The following SAMSN1 variants were observed in gnomAD, a reference collection of about 807,000 sequenced individuals.
SAMSN1 encodes SAM domain-containing protein SAMSN-1.
A neutral mutation model predicts 42.0 loss-of-function variants in SAMSN1; 31 were observed. The ratio of observed to expected loss-of-function variants is 0.74; its 90% confidence interval spans 0.55 to 1.00. The LOEUF (loss-of-function observed/expected upper bound fraction) is 1.00. SAMSN1 is among the 50% of genes least tolerant of loss of function. The pLI is 0.00. For synonymous variants in SAMSN1, 178 were observed against 151.9 expected (o/e 1.17, Z -1.26); for missense variants, 464 against 439.4 (o/e 1.06, Z -0.50).
intron 7 of SAMSN1, among the ~76,000 whole-genome samples, chr21:14,496,851 G>T (rs142769889): frequency 7.2e-5 from 11 of 152,214 alleles, no homozygotes; most frequent in African/African-American, 2.4e-4. Context: ...TCTTGGAAAA[G>T]GATGATAAGA....
intron 2 of SAMSN1, among the ~76,000 whole-genome samples, chr21:14,616,763 T>C (rs572435959): frequency 6.6e-6 from 1 of 152,210 alleles, no homozygotes; most frequent in South Asian, 2.1e-4. Flanking sequence ...ATGGTAGGAA[T>C]TTACATACTA....
At chr21:14,570,175 A>G (rs896987282) in intron 2 of SAMSN1, among the ~76,000 whole-genome samples, 1 of 152,146 alleles carries the variant, frequency 6.6e-6, no homozygotes, top group Admixed American at 6.5e-5. Flanking sequence ...CAAATCCATT[A>G]AATCTCTCCA....
rs144332458 is a variant in SAMSN1 at position 14,554,754 on chromosome 21, A to G, written c.261+27382T>C. Among the ~76,000 whole-genome samples, 652 of 147,030 alleles carry G rather than the reference A, an allele frequency of 4.4e-3. 5 individuals carry two copies. Among genetic ancestry groups the G allele is most frequent in the African/African-American group, 0.016 (614 of 39,492 alleles). ...TCCTCTGCCACCCAGGCTAGAATGC[A>G]GTGGCACAATCATGGCTCACTACAG... is the stretch of plus-strand genomic sequence containing the variant. On this transcript the variant is annotated intron_variant, in intron 2 of 8. Coordinates refer to the SAMSN1 transcript ENST00000285670.
intron 3 of SAMSN1, among the ~76,000 whole-genome samples, chr21:14,514,859 AT>A (rs1987834184): frequency 6.6e-6 from 1 of 152,202 alleles, no homozygotes; most frequent in Admixed American, 6.5e-5. Context: ...GATTGTATTA[AT>A]ATAGCAGATA....
chr21:14,501,419 T>A (rs1987146767), intron 5 of SAMSN1, among the ~76,000 whole-genome samples: 1 of 152,196 alleles, frequency 6.6e-6, no homozygotes, highest in Non-Finnish European at 1.5e-5. Context: ...AAACGACTTC[T>A]CAAAAGCTTG....
chr21:14,579,433 A>G (rs1981624037), intron 2 of SAMSN1, among the ~76,000 whole-genome samples: 1 of 152,206 alleles, frequency 6.6e-6, no homozygotes, highest in Admixed American at 6.6e-5. Context: ...ACTCACATGT[A>G]CAAAATAATT....
intron 4 of SAMSN1, among the ~76,000 whole-genome samples, chr21:14,511,777 C>T (rs190662779): frequency 2.1e-3 from 317 of 152,278 alleles, no homozygotes; most frequent in African/African-American, 7.5e-3. Context: ...GAGTGATTTC[C>T]TTCTTAGAAA....
At chr21:14,643,259 A>C in intron 1 of SAMSN1, 1 of 580,536 alleles carries the variant, frequency 1.7e-6, no homozygotes, top group Non-Finnish European at 3.1e-6. Context: ...AGGGATTAAG[A>C]GTTTACAGTA....
intron 2 of SAMSN1, among the ~76,000 whole-genome samples, chr21:14,575,785 G>A (rs938117095): frequency 6.6e-6 from 1 of 152,168 alleles, no homozygotes; most frequent in African/African-American, 2.4e-5. Context: ...CAAAGAAAAT[G>A]AGAATGGAAT....
intron 5 of SAMSN1, among the ~76,000 whole-genome samples, chr21:14,501,883 C>T (rs766369839): frequency 5.3e-5 from 8 of 152,090 alleles, no homozygotes; most frequent in Non-Finnish European, 1.0e-4. Context: ...ACATCTAAGA[C>T]CATAATTAAC....
chr21:14,618,169 G>T (rs1048500642), intron 2 of SAMSN1, among the ~76,000 whole-genome samples: 1 of 152,186 alleles, frequency 6.6e-6, no homozygotes, highest in Admixed American at 6.5e-5. Flanking sequence ...TCCTCATGAT[G>T]AATCAGTTTA....
At position 14,500,457 on chromosome 21, in the gene SAMSN1, A is replaced by G. The variant is rs965802704; in HGVS notation, c.768+72T>C. 7.7e-6 allele frequency: 10 copies of G among 1,306,578 alleles called. No homozygotes were observed. In the Admixed American group the frequency reaches 1.1e-4, roughly 14 times the overall value. 80.9% of individuals were successfully genotyped at this position (1,306,578 alleles called of 1,614,324 possible). A position where few individuals can be genotyped will look rare whatever the true frequency, so the allele number is the denominator to read the frequency against. ...TTGTATTTTTAAGCAATGCAACACA[A>G]ATACTGATCCACTCCCTTCGGTGTT... is the stretch of plus-strand genomic sequence containing the variant. On this transcript the variant is annotated intron_variant, in intron 6 of 7. Coordinates refer to ENST00000400566, the MANE Select transcript of SAMSN1 (RefSeq NM_022136.5).
intron 2 of SAMSN1, among the ~76,000 whole-genome samples, chr21:14,629,426 A>C (rs940008333): frequency 1.3e-5 from 2 of 152,196 alleles, no homozygotes; most frequent in Non-Finnish European, 2.9e-5. Flanking sequence ...TATTACTGTA[A>C]TAATGTTATG....
chr21:14,600,278 T>G (rs1056973715), intron 6 of SAMSN1, among the ~76,000 whole-genome samples: 2 of 152,212 alleles, frequency 1.3e-5, no homozygotes, highest in Non-Finnish European at 2.9e-5. Flanking sequence ...CTCCTTCTCC[T>G]CAGTCACAAG....
intron 1 of SAMSN1, among the ~76,000 whole-genome samples, chr21:14,647,385 G>T (rs1983736852): frequency 6.8e-6 from 1 of 148,136 alleles, no homozygotes; most frequent in South Asian, 2.2e-4. Context: ...TTTGGTTACT[G>T]CAGCCTTGTA....
At chr21:14,635,165 A>T (rs1983434058) in intron 2 of SAMSN1, among the ~76,000 whole-genome samples, 1 of 152,124 alleles carries the variant, frequency 6.6e-6, no homozygotes, top group Non-Finnish European at 1.5e-5. Context: ...GGAACAACAC[A>T]CACCAGGGAC....
chr21:14,585,809 CAT>C (rs1436472573), upstream of SAMSN1, among the ~76,000 whole-genome samples: 2 of 152,116 alleles, frequency 1.3e-5, no homozygotes, highest in African/African-American at 4.8e-5. Context: ...ATCCATAGTA[CAT>C]GTTTGATACT....
At chr21:14,498,717 A>T (rs953890099) in intron 6 of SAMSN1, 125 bp from the exon 7 acceptor site, 21 of 631,746 alleles carry the variant, frequency 3.3e-5, no homozygotes, top group Admixed American at 7.5e-5. Context: ...ACTTTTACTT[A>T]ACTTCACTTG....
chr21:14,627,573 T>C (rs1428802898), intron 2 of SAMSN1, among the ~76,000 whole-genome samples: 2 of 152,174 alleles, frequency 1.3e-5, no homozygotes, highest in African/African-American at 4.8e-5. Context: ...TTCTCACACA[T>C]ACTTGTACTT....
Sources: allele counts gnomAD v4.1 joint callset (sites outside exome capture counted in the v4.1 genomes callset), GRCh38; gene constraint gnomAD v4.1.1; transcripts MANE v1.5; gene names NCBI Gene and HGNC (gene_info 2026-07-23, HGNC 2026-07-21).